Variants in ABCC6 observed in about 807,000 individuals in gnomAD.
ABCC6 encodes the protein ATP-binding cassette sub-family C member 6.
In ABCC6, 126 loss-of-function variants were observed where a neutral mutation model predicts 169.5. The observed-to-expected ratio is 0.74, with a 90% CI of 0.64 to 0.86. The LOEUF (loss-of-function observed/expected upper bound fraction) is 0.86. Ranked by LOEUF, ABCC6 falls within the 40% of genes least tolerant of loss-of-function variation. The pLI is 0.00. For missense variants in ABCC6, 1,733 were observed against 1,927.2 expected, an observed-to-expected ratio of 0.90 and a Z score of 1.89; for synonymous variants, 752 against 814.7, an observed-to-expected ratio of 0.92 and a Z score of 1.31.
chr16:16,184,924 A>G, intron 15 of ABCC6, 35 bp downstream of exon 15: 4 of 1,592,190 alleles, frequency 2.5e-6, no homozygotes, highest in Non-Finnish European at 3.4e-6. Context: ...CTCCCTAAAA[A>G]CATGAGGCTG....
chr16:16,210,087 T>C, intron 6 of ABCC6, among the ~76,000 whole-genome samples: 1 of 152,128 alleles, frequency 6.6e-6, no homozygotes, highest in Non-Finnish European at 1.5e-5. Context: ...CTGGTTCTGG[T>C]CTCTGACTCT....
Position 16,150,221 on chromosome 16 carries a change from C to G in ABCC6, c.4424G>C (p.Gly1475Ala). Residue 1475 changes from glycine to alanine, a missense_variant, in exon 31 of 31, where the codon GGG (glycine) becomes GCG (alanine). Gly to Ala is a moderately conservative substitution (Grantham distance 60). Around this residue, in one of 5 missense-constraint regions of ABCC6, gnomAD observed 1,601 missense variants for 1,635.5 expected, o/e 0.98. Transcript: ENST00000205557. Reference sequence around the variant, plus strand: ...CGGGCTGCCGCTCTCTGCCACCTGCCCCTTGTCCATGACCAGAACCCTGTG... The same window carrying G: ...CGGGCTGCCGCTCTCTGCCACCTGCGCCTTGTCCATGACCAGAACCCTGTG... The part of the protein sequence containing the change: ...DCARVLVMDK[G>A]QVAESGSPAQ... 1 of 1,614,070 alleles carries G rather than the reference C, an allele frequency of 6.2e-7. No individual in the cohort carries two copies. The highest frequency in any genetic ancestry group is 8.5e-7 in the Non-Finnish European group (1 of 1,180,032).
intron 2 of ABCC6, among the ~76,000 whole-genome samples, chr16:16,220,897 C>CA (rs796606542): frequency 0.052 from 6,119 of 116,888 alleles, 126 homozygotes; most frequent in African/African-American, 0.071. Flanking sequence ...AACTGCATCT[C>CA]AAAAAAAAAA....
At chr16:16,156,461 C>T (rs910869319) in intron 27 of ABCC6, among the ~76,000 whole-genome samples, 4 of 152,162 alleles carry the variant, frequency 2.6e-5, no homozygotes, top group South Asian at 2.1e-4. Context: ...CCCCCCTGGC[C>T]GAGAGGCAGC....
intron 25 of ABCC6, 132 bp downstream of exon 25, chr16:16,161,305 TC>T: frequency 7.4e-7 from 1 of 1,356,664 alleles, no homozygotes. Context: ...GAGCTGCGTG[TC>T]CCTCCTTGGT....
intron 15 of ABCC6, among the ~76,000 whole-genome samples, chr16:16,183,557 T>A (rs2047550042): frequency 6.6e-6 from 1 of 152,160 alleles, no homozygotes; most frequent in Non-Finnish European, 1.5e-5. Context: ...AGGAATGACA[T>A]CTCCCGCCTC....
At chr16:16,206,154 CA>C (rs1167640443) in intron 7 of ABCC6, among the ~76,000 whole-genome samples, 9 of 152,190 alleles carry the variant, frequency 5.9e-5, no homozygotes. Context: ...GGCTCCATAG[CA>C]AGTGTTTTCC....
Position 16,153,969 on chromosome 16 carries a change from C to G in ABCC6, c.4208+659G>C, listed in dbSNP as rs139686530. Among the ~76,000 whole-genome samples the G allele has an allele frequency of 3.9e-3, 593 of 151,620 alleles. 3 individuals carry two copies. Among genetic ancestry groups the G allele is most frequent in the African/African-American group, 0.013 (554 of 41,368 alleles). ...ATTTTATGTGTATCTTTCCACACAGCTTTTTGTTGTTGAGACGAAGCCCAG... is the reference window on the plus strand; with the variant it reads ...ATTTTATGTGTATCTTTCCACACAGGTTTTTGTTGTTGAGACGAAGCCCAG... On this transcript the variant is annotated intron_variant, in intron 29 of 30. Coordinates refer to ENST00000205557, the MANE Select transcript of ABCC6 (RefSeq NM_001171.6).
At chr16:16,151,724 ATAT>A (rs1168767478) in intron 29 of ABCC6, among the ~76,000 whole-genome samples, 1 of 152,142 alleles carries the variant, frequency 6.6e-6, no homozygotes. Context: ...ACCAAGGTAG[ATAT>A]TATTGTTCTC....
In ABCC6 at chr16:16,161,531, A is replaced by G; in HGVS notation, c.3540T>C (p.Asn1180=). ...WLAANVELLG[N]GLVFAAATCA... is the part of the protein sequence containing the mutation. Reference sequence around the variant, plus strand: ...ACGTGGCAGCTGCAAACACCAGGCCATTCCCCAGGAGCTCCACATTGGCCG... The same window carrying G: ...ACGTGGCAGCTGCAAACACCAGGCCGTTCCCCAGGAGCTCCACATTGGCCG... The change falls in exon 25 of 31, where the codon AAT becomes AAC. Residue 1180 remains asparagine (N), a synonymous_variant. Transcript: ENST00000205557. The G allele has an allele frequency of 6.2e-7, 1 of 1,613,990 alleles. No individual in the cohort carries two copies. Among genetic ancestry groups the G allele is most frequent in the Non-Finnish European group, 8.5e-7 (1 of 1,180,036 alleles).
intron 12 of ABCC6, among the ~76,000 whole-genome samples, chr16:16,189,369 C>T (rs2047763577): frequency 6.6e-6 from 1 of 150,846 alleles, no homozygotes; most frequent in Non-Finnish European, 1.5e-5. Flanking sequence ...TCTAAAGTTG[C>T]AGGCAGGAGC....
intron 10 of ABCC6, among the ~76,000 whole-genome samples, chr16:16,195,875 T>A (rs1365428699): frequency 6.6e-6 from 1 of 152,192 alleles, no homozygotes; most frequent in African/African-American, 2.4e-5. Context: ...CATTCGAGTT[T>A]TTTTTGGAAT....
chr16:16,152,192 C>CAA (rs61339757), intron 29 of ABCC6, among the ~76,000 whole-genome samples: 11,279 of 40,052 alleles, frequency 0.28, 2,517 homozygotes, highest in Admixed American at 0.35. Context: ...GACTCTGTCT[C>CAA]AAAAAAAAAA....
chr16:16,173,550 A>C, intron 20 of ABCC6, 146 bp from the exon 21 acceptor site: 1 of 1,016,862 alleles, frequency 9.8e-7, no homozygotes, highest in Non-Finnish European at 1.5e-6. Context: ...CAGAATACTG[A>C]CCAGATATCA....
rs536603858 is a variant in ABCC6 at position 16,150,780 on chromosome 16, C to T, written c.4209-8G>A. On this transcript the variant is annotated splice_region_variant and splice_polypyrimidine_tract_variant and intron_variant, in intron 29 of 30. Transcript: ENST00000205557. ...AGCTGTTTCTGGCCCACGCTGGGAA[C>T]GATTGGGACAATTAGCTGGGACGTG... The T allele has an allele frequency of 4.5e-5, 72 of 1,613,130 alleles. No homozygotes were observed. Among genetic ancestry groups the T allele is most frequent in the Admixed American group, 2.8e-4 (17 of 59,928 alleles).
chr16:16,152,972 C>A (rs2046432443), intron 29 of ABCC6, among the ~76,000 whole-genome samples: 1 of 152,074 alleles, frequency 6.6e-6, no homozygotes, highest in African/African-American at 2.4e-5. Context: ...TCTTGGCTCA[C>A]TGAAACCTCT....
At position 16,155,011 on chromosome 16, in the gene ABCC6, G is replaced by A. The variant is rs201812902; in HGVS notation, c.3903C>T (p.Thr1301=). ...TGGCCAGGGAGGACTTCCCTGCCCC[G>A]GTCCTGCCAACGATGCCCACCTGCC... is the stretch of plus-strand genomic sequence containing the variant. ...AGEKVGIVGR[T]GAGKSSLASG... The change falls in exon 28 of 31, where the codon ACC becomes ACT. Residue 1301 remains threonine (T), a synonymous_variant. Transcript: ENST00000205557. 1.5e-4 allele frequency: 235 copies of A among 1,561,150 alleles called. No homozygotes were observed. The East Asian group carries it at 2.6e-3, about 18-fold the overall frequency.
At position 16,175,933 on chromosome 16, in the gene ABCC6, T is replaced by G. The variant is rs1947261041; in HGVS notation, c.2644A>C (p.Arg882=). 1 of 1,614,130 alleles carries G rather than the reference T, an allele frequency of 6.2e-7. No homozygotes were observed. ...KDPRGTSAGR[R]PELRRERSIK... ...CACCTCTCGCGTCTAAGCTCGGGCCTCCTGCCTGCAGAGGTGCCTCTGGGG... is the reference window on the plus strand; with the variant it reads ...CACCTCTCGCGTCTAAGCTCGGGCCGCCTGCCTGCAGAGGTGCCTCTGGGG... Residue 882 remains arginine (R), a synonymous_variant, in exon 20 of 31, where the codon AGG becomes CGG. Coordinates refer to ENST00000205557, the MANE Select transcript of ABCC6 (RefSeq NM_001171.6).
chr16:16,190,397 G>A (rs1448522411), intron 11 of ABCC6, 30 bp from the exon 12 acceptor site: 1 of 1,612,508 alleles, frequency 6.2e-7, no homozygotes, highest in Non-Finnish European at 8.5e-7. Flanking sequence ...GAGAGATGAA[G>A]ACAGGGACAG....
Sources: allele counts gnomAD v4.1 joint callset (sites outside exome capture counted in the v4.1 genomes callset), GRCh38; gene constraint gnomAD v4.1.1; regional missense constraint gnomAD v4.1.1; transcripts MANE v1.5; gene names NCBI Gene and HGNC (gene_info 2026-07-23, HGNC 2026-07-21).